Variants in CIAO2B observed in about 807,000 individuals in gnomAD.
CIAO2B encodes MSS19-interacting protein of 18 kDa.
A neutral mutation model predicts 16.4 loss-of-function variants in CIAO2B; 20 were observed. The observed-to-expected ratio is 1.22, with a 90% CI of 0.86 to 1.77. The LOEUF (loss-of-function observed/expected upper bound fraction) is 1.77, where lower values mean the gene tolerates loss of function less well. CIAO2B is among the 40% of genes most tolerant of loss of function. CIAO2B has a pLI of 0.00. For missense variants in CIAO2B, 215 were observed against 222.4 expected, an observed-to-expected ratio of 0.97 and a Z score of 0.21; for synonymous variants, 106 against 90.4, an observed-to-expected ratio of 1.17 and a Z score of -0.98.
In CIAO2B at chr16:66,932,184, G is replaced by C; in HGVS notation, c.*19C>G. 2 of 1,600,088 alleles carry C rather than the reference G, an allele frequency of 1.2e-6. No individual in the cohort carries two copies. The highest frequency in any genetic ancestry group is 1.7e-6 in the Non-Finnish European group (2 of 1,168,810). ...GGACCAGGATACCAGTATGCAGGCT[G>C]AGGGGTCAAAGGCCAGGCTCAGGAG... On this transcript the variant is annotated 3_prime_UTR_variant, in exon 5 of 5. Coordinates refer to ENST00000422424, the MANE Select transcript of CIAO2B (RefSeq NM_016062.4).
chr16:66,932,651 A>T, intron 4 of CIAO2B, 129 bp downstream of exon 4: 1 of 1,084,994 alleles, frequency 9.2e-7, no homozygotes, highest in Non-Finnish European at 1.4e-6. Flanking sequence ...CATACTGAGG[A>T]GTCTCTGGCA....
intron 3 of CIAO2B, 89 bp from the exon 4 acceptor site, chr16:66,932,914 C>T: frequency 7.2e-7 from 1 of 1,392,430 alleles, no homozygotes; most frequent in Non-Finnish European, 1.0e-6. Context: ...CCATCTCCAG[C>T]TGATCCTTCC....
rs767006223 is a variant in CIAO2B at position 66,933,966 on chromosome 16, C to T, written c.222+21G>A. ...CTTTCTGACTCTCTGGAACAACTCGCTCCCCTCGGAAGTGACTCACCTGAA... is the reference window on the plus strand; with the variant it reads ...CTTTCTGACTCTCTGGAACAACTCGTTCCCCTCGGAAGTGACTCACCTGAA... On this transcript the variant is annotated intron_variant, in intron 2 of 4. Transcript: ENST00000422424. 3.7e-6 allele frequency: 6 copies of T among 1,612,958 alleles called. No individual in the cohort carries two copies. In the African/African-American group the frequency reaches 8.0e-5, roughly 22 times the overall value.
At position 66,933,730 on chromosome 16, in the gene CIAO2B, G is replaced by A; in HGVS notation, c.232C>T (p.Pro78Ser). 3 of 1,549,442 alleles carry A rather than the reference G, an allele frequency of 1.9e-6. No homozygotes were observed. The highest frequency in any genetic ancestry group is 1.7e-4 in the Middle Eastern group (1 of 5,990). Residue 78 changes from proline (P) to serine (S), a missense_variant, in exon 3 of 5, where the codon CCC becomes TCC. Coordinates refer to ENST00000422424, the MANE Select transcript of CIAO2B (RefSeq NM_016062.4). ...AAAGCCACAGCCACTGTACTCTCGGGGTCGCTAACCTGGTTGTGGAGGAGA... is the reference window on the plus strand; with the variant it reads ...AAAGCCACAGCCACTGTACTCTCGGAGTCGCTAACCTGGTTGTGGAGGAGA... ...VEQVRVQVSD[P>S]ESTVAVAFTP...
In CIAO2B at chr16:66,933,390, GCCCTTCCTGCCA is replaced by G. The variant is rs1963100334; in HGVS notation, c.348+212_348+223del. On this transcript the variant is annotated intron_variant, in intron 3 of 4. Coordinates refer to ENST00000422424, the MANE Select transcript of CIAO2B (RefSeq NM_016062.4). ...CCAAACCCATCTGCCGCTCCCTACT[GCCCTTCCTGCCA>G]CACTCTTCAATACTTTTCTCCACTT... is the stretch of plus-strand genomic sequence containing the variant. 23 of 618,006 alleles carry G rather than the reference GCCCTTCCTGCCA, an allele frequency of 3.7e-5. No homozygotes were observed. The South Asian group carries it at 4.8e-4, about 13-fold the overall frequency. 38.3% of individuals were successfully genotyped at this position (618,006 alleles called of 1,614,324 possible). A position where few individuals can be genotyped will look rare whatever the true frequency, so the allele number is the denominator to read the frequency against.
Position 66,932,799 on chromosome 16 carries a change from G to C in CIAO2B, c.375C>G (p.Thr125=). The C allele has an allele frequency of 6.2e-7, 1 of 1,611,672 alleles. No homozygotes were observed. The highest frequency in any genetic ancestry group is 1.1e-5 in the South Asian group (1 of 90,500). ...FKMDVHITPG[T]HASEHAVNKQ... is the part of the protein sequence containing the mutation. ...ACTTACCTGCATGCTCTGAGGCATG[G>C]GTCCCCGGAGTAATGTGCACGTCCA... The change falls in exon 4 of 5, where the codon ACC becomes ACG. Residue 125 remains threonine, a synonymous_variant. Transcript: ENST00000422424.
rs2145491939 is a variant in CIAO2B at position 66,933,413 on chromosome 16, T to A, written c.348+201A>T. On this transcript the variant is annotated intron_variant, in intron 3 of 4. Transcript: ENST00000422424. ...CTGCCCTTCCTGCCACACTCTTCAA[T>A]ACTTTTCTCCACTTTCCAGCTCAGA... The A allele has an allele frequency of 5.3e-6, 4 of 749,174 alleles. No individual in the cohort carries two copies. In the East Asian group the frequency reaches 1.1e-4, roughly 21 times the overall value. 46.4% of individuals were successfully genotyped at this position (749,174 alleles called of 1,614,324 possible). A position where few individuals can be genotyped will look rare whatever the true frequency, so the allele number is the denominator to read the frequency against.
At position 66,933,337 on chromosome 16, in the gene CIAO2B, A is replaced by C. The variant is rs977160196; in HGVS notation, c.348+277T>G. 1.2e-4 allele frequency: 52 copies of C among 436,534 alleles called. 1 individual carries two copies. Among genetic ancestry groups the C allele is most frequent in the Middle Eastern group, 6.4e-4 (1 of 1,556 alleles). 27.0% of individuals were successfully genotyped at this position (436,534 alleles called of 1,614,324 possible). On this transcript the variant is annotated intron_variant, in intron 3 of 4. Coordinates refer to ENST00000422424, the MANE Select transcript of CIAO2B (RefSeq NM_016062.4). ...AGAACTGGCCCACTACTGTTGATTT[A>C]AAGGCCTGCCTGTGCCCCACCCCTG...
rs1567543188 is a variant in CIAO2B, at chr16:66,932,083, A to G, written c.*120T>C. ...TGGGAACTGAATATAAATTAACTTT[A>G]TTACAAAAAGCAAAATGTTAGTTTC... is the stretch of plus-strand genomic sequence containing the variant. On this transcript the variant is annotated 3_prime_UTR_variant, in exon 5 of 5. Transcript: ENST00000422424. The G allele has an allele frequency of 2.9e-6, 2 of 695,880 alleles. No individual in the cohort carries two copies. Among genetic ancestry groups the G allele is most frequent in the Non-Finnish European group, 4.7e-6 (2 of 428,124 alleles). The allele number at this position is 695,880 out of a possible 1,614,324, so 43.1% of individuals were successfully genotyped here. A position where few individuals can be genotyped will look rare whatever the true frequency, so the allele number is the denominator to read the frequency against.
At chr16:66,933,509 G>C in intron 3 of CIAO2B, 105 bp downstream of exon 3, 3 of 1,427,078 alleles carry the variant, frequency 2.1e-6, no homozygotes, top group Non-Finnish European at 2.8e-6. Flanking sequence ...GATCCTTCCA[G>C]GCCCCACTCT....
Position 66,933,634 on chromosome 16 carries a change from A to G in CIAO2B, c.328T>C (p.Ser110Pro), listed in dbSNP as rs769345145. 6.2e-7 allele frequency: 1 copy of G among 1,609,352 alleles called. No individual in the cohort carries two copies. Among genetic ancestry groups the G allele is most frequent in the South Asian group, 1.1e-5 (1 of 90,010 alleles). ...GLSIKVKLLR[S>P]LPQRFKMDVH... ...CTGACCTTGAAACGCTGAGGAAGGG[A>G]GCGCAGAAGCTTGACCTTGATGGAC... Residue 110 changes from serine to proline, a missense_variant, in exon 3 of 5, where the codon TCC (serine) becomes CCC (proline). Coordinates refer to ENST00000422424, the MANE Select transcript of CIAO2B (RefSeq NM_016062.4).
In CIAO2B at chr16:66,934,227, G is replaced by A. The variant is rs373271757; in HGVS notation, c.138C>T (p.Ile46=). 4 of 1,609,272 alleles carry A rather than the reference G, an allele frequency of 2.5e-6. No homozygotes were observed. The highest frequency in any genetic ancestry group is 3.4e-6 in the Non-Finnish European group (4 of 1,178,638). The stretch of plus-strand genomic sequence containing the variant: ...GCGCCCAGCAGCGGCGGATATCGAA[G>A]ATCTCGCGTGCGTCGATGCTGTCGG... ...QVPDSIDARE[I]FDLIRSINDP... Residue 46 remains isoleucine, a synonymous_variant, in exon 1 of 5, where the codon ATC becomes ATT. Transcript: ENST00000422424. The surrounding 1 kb of genome is among the most constrained non-coding windows in gnomAD (Gnocchi z 4.1).
rs752993456 is a variant in CIAO2B at position 66,932,741 on chromosome 16, G to A, written c.394+39C>T. On this transcript the variant is annotated intron_variant, in intron 4 of 4. Transcript: ENST00000422424. ...GGGGAAGCCTCAGACTGCTTAGGGG[G>A]TGCCCGGGCCAACACCCTCACCACC... 8.2e-6 allele frequency: 13 copies of A among 1,591,260 alleles called. No individual in the cohort carries two copies. The South Asian group carries it at 1.1e-4, about 14-fold the overall frequency.
At chr16:66,933,366 C>A in intron 3 of CIAO2B, 1 of 522,628 alleles carries the variant, frequency 1.9e-6, no homozygotes, top group Non-Finnish European at 3.4e-6. Flanking sequence ...ACCCCTGGTC[C>A]AAACCCATCT....
rs909355968 is a variant in CIAO2B, at chr16:66,932,220, G to A, written c.475C>T (p.Leu159=). Residue 159 remains leucine (L), a synonymous_variant, in exon 5 of 5, where the codon CTG becomes TTG. Transcript: ENST00000422424. ...THLLEVVNQC[L]SARS ...GGCCAGGCTCAGGAGCGGGCTGACA[G>A]GCACTGATTCACAACCTCCAAGAGG... 1 of 1,613,792 alleles carries A rather than the reference G, an allele frequency of 6.2e-7. No individual in the cohort carries two copies.
chr16:66,933,463 G>C, intron 3 of CIAO2B, 151 bp downstream of exon 3: 2 of 1,033,376 alleles, frequency 1.9e-6, no homozygotes. Context: ...ACATCGACTT[G>C]GAAAGCTTCC....
rs1366950207 is a variant in CIAO2B, at chr16:66,934,394, G to C, written c.-30C>G. On this transcript the variant is annotated 5_prime_UTR_variant, in exon 1 of 5. Transcript: ENST00000422424. The surrounding 1 kb of genome is among the most constrained non-coding windows in gnomAD (Gnocchi z 4.1). Reference sequence around the variant, plus strand: ...GAACCACCACCGCTGATCCTAGCAGGCGTGCGCTTCCGCTCCAACCCGCGC... The same window carrying C: ...GAACCACCACCGCTGATCCTAGCAGCCGTGCGCTTCCGCTCCAACCCGCGC... The C allele has an allele frequency of 1.3e-6, 2 of 1,492,030 alleles. No homozygotes were observed. Among genetic ancestry groups the C allele is most frequent in the African/African-American group, 1.4e-5 (1 of 71,612 alleles). The allele number at this position is 1,492,030 out of a possible 1,614,324, so 92.4% of individuals were successfully genotyped here. A position where few individuals can be genotyped will look rare whatever the true frequency, so the allele number is the denominator to read the frequency against.
rs776787500 is a variant in CIAO2B, at chr16:66,933,948, ACT to A, written c.222+37_222+38del. ...CTCCTGCTGCACAGAAACCTTTCTG[ACT>A]CTCTGGAACAACTCGCTCCCCTCGG... On this transcript the variant is annotated intron_variant, in intron 2 of 4. Transcript: ENST00000422424. 61 of 1,610,026 alleles carry A rather than the reference ACT, an allele frequency of 3.8e-5. No individual in the cohort carries two copies. In the African/African-American group the frequency reaches 8.2e-4, roughly 22 times the overall value.
At chr16:66,933,412 A>G in intron 3 of CIAO2B, 1 of 747,292 alleles carries the variant, frequency 1.3e-6, no homozygotes, top group Non-Finnish European at 2.1e-6. Flanking sequence ...ACACTCTTCA[A>G]TACTTTTCTC....
Sources: allele counts gnomAD v4.1 joint callset, GRCh38; gene constraint gnomAD v4.1.1; non-coding constraint Gnocchi (gnomAD v3.1); transcripts MANE v1.5; gene names NCBI Gene and HGNC (gene_info 2026-07-23, HGNC 2026-07-21).